PTPN22: variants seen among roughly 807,000 people sequenced by gnomAD.
PTPN22 encodes the protein protein tyrosine phosphatase non-receptor type 22, also known as tyrosine-protein phosphatase non-receptor type 22.
PTPN22 carries 85 observed loss-of-function variants against 103.3 expected under a neutral mutation model. The ratio of observed to expected loss-of-function variants is 0.82; its 90% CI spans 0.69 to 0.99. PTPN22 has a LOEUF of 0.99. PTPN22 is among the 50% of genes least tolerant of loss of function. The probability of loss-of-function intolerance (pLI) is 0.00; values close to 1 mark genes in which losing one functional copy is unlikely to be tolerated. For missense variants in PTPN22, 865 were observed against 936.9 expected (o/e 0.92, Z 1.00); for synonymous variants, 323 against 310.2 (o/e 1.04, Z -0.43).
At chr1:113,858,855 T>C in intron 3 of PTPN22, 147 bp downstream of exon 3, 1 of 1,352,628 alleles carries the variant, frequency 7.4e-7, no homozygotes, top group Non-Finnish European at 9.8e-7. Context: ...CCCAGGCTGG[T>C]CTGAAATTCT....
exon 18 of PTPN22, chr1:113,829,618 G>A (rs1662376372): frequency 1.2e-6 from 2 of 1,601,030 alleles, no homozygotes; most frequent in African/African-American, 1.3e-5. Flanking sequence ...CTTTTTCCAG[G>A]AGTCTTCAGT....
At chr1:113,854,373 A>T in intron 9 of PTPN22, 98 bp downstream of exon 9, 1 of 1,137,010 alleles carries the variant, frequency 8.8e-7, no homozygotes, top group Non-Finnish European at 1.3e-6. Flanking sequence ...TCTAGAAAAG[A>T]TGAATCATGA....
intron 1 of PTPN22, among the ~76,000 whole-genome samples, chr1:113,862,047 G>A (rs1665659719): frequency 3.3e-5 from 5 of 151,924 alleles, no homozygotes; most frequent in South Asian, 4.2e-4. Context: ...TTGGGATGCC[G>A]AGGCAGGCAG....
chr1:113,868,006 C>T (rs1666258173), intron 1 of PTPN22, among the ~76,000 whole-genome samples: 1 of 152,318 alleles, frequency 6.6e-6, no homozygotes, highest in East Asian at 1.9e-4. Flanking sequence ...CTCTACATTA[C>T]TTATAATACC....
chr1:113,850,255 AG>A (rs1664461823), intron 10 of PTPN22, among the ~76,000 whole-genome samples: 2 of 151,410 alleles, frequency 1.3e-5, no homozygotes, highest in African/African-American at 4.9e-5. Flanking sequence ...GAAGGAAGGA[AG>A]GAAGGAAGGA....
intron 16 of PTPN22, among the ~76,000 whole-genome samples, chr1:113,830,257 C>G (rs1035438836): frequency 6.6e-6 from 1 of 152,074 alleles, no homozygotes; most frequent in Non-Finnish European, 1.5e-5. Context: ...CAGAAGTATT[C>G]TCCCAAAGAC....
chr1:113,844,986 G>GTT (rs1364649048), intron 11 of PTPN22, among the ~76,000 whole-genome samples: 2 of 151,770 alleles, frequency 1.3e-5, no homozygotes, highest in African/African-American at 4.8e-5. Flanking sequence ...ACCTGGCTGA[G>GTT]TTTTTAATTT....
At chr1:113,815,259 A>G (rs955432902) in intron 20 of PTPN22, 2 of 247,686 alleles carry the variant, frequency 8.1e-6, no homozygotes, top group African/African-American at 4.5e-5. Flanking sequence ...AATTTAGTAT[A>G]TAATATCATT....
At chr1:113,834,487 A>G (rs1168354011) in intron 14 of PTPN22, 48 bp from the exon 15 acceptor site, 1 of 1,555,646 alleles carries the variant, frequency 6.4e-7, no homozygotes, top group East Asian at 2.2e-5. Context: ...GTATTCTTTT[A>G]GACATCAAAT....
At chr1:113,838,439 C>A in intron 12 of PTPN22, 32 bp from the exon 13 acceptor site, 2 of 1,585,180 alleles carry the variant, frequency 1.3e-6, no homozygotes, top group Admixed American at 1.8e-5. Flanking sequence ...ATGATGACAC[C>A]ATACCCCAAA....
chr1:113,817,332 T>C lies in PTPN22; in HGVS notation c.2359+2245A>G, dbSNP rs527308978. On this transcript the variant is annotated intron_variant, in intron 20 of 20. Coordinates refer to ENST00000359785, the Ensembl canonical transcript of PTPN22. ...CTACCTTTTTTTGCATGTGGGCCAATTCAGGGAAAATAAACCTGAATCATA... is the reference window on the plus strand; with the variant it reads ...CTACCTTTTTTTGCATGTGGGCCAACTCAGGGAAAATAAACCTGAATCATA... 1.5e-4 allele frequency among the ~76,000 whole-genome samples: 23 copies of C among 152,354 alleles called. No individual in the cohort carries two copies. In the East Asian group the frequency reaches 4.4e-3, roughly 29 times the overall value.
At chr1:113,862,664 A>G (rs1366441654) in intron 1 of PTPN22, among the ~76,000 whole-genome samples, 1 of 152,198 alleles carries the variant, frequency 6.6e-6, no homozygotes, top group Non-Finnish European at 1.5e-5. Flanking sequence ...AGCATTTTAG[A>G]TACATTTTAG....
chr1:113,857,058 GAA>G (rs780449476), intron 5 of PTPN22, among the ~76,000 whole-genome samples: 30 of 152,136 alleles, frequency 2.0e-4, no homozygotes, highest in Non-Finnish European at 4.1e-4. Flanking sequence ...ATTAAAAAAT[GAA>G]AAGAGGTGAA....
rs866543729 is a variant in PTPN22 at position 113,864,754 on chromosome 1, C to T, written c.88-5294G>A. Among the ~76,000 whole-genome samples, 3 of 150,026 alleles carry T rather than the reference C, an allele frequency of 2.0e-5. 1 individual carries two copies. Among genetic ancestry groups the T allele is most frequent in the Middle Eastern group, 7.0e-3 (2 of 284 alleles). ...AGTGAAACCTTGTCTCTACTAAAAA[C>T]ACAAAAAATTAGCCGGGCATGGTGA... On this transcript the variant is annotated intron_variant, in intron 1 of 20. Transcript: ENST00000359785.
intron 7 of PTPN22, 138 bp from the exon 8 acceptor site, chr1:113,855,187 T>G: frequency 1.4e-6 from 1 of 717,640 alleles, no homozygotes; most frequent in African/African-American, 1.8e-5. Flanking sequence ...CGCCCTTGTG[T>G]CTTATATTCA....
chr1:113,868,159 C>G (rs1666271079), intron 1 of PTPN22, among the ~76,000 whole-genome samples: 1 of 152,020 alleles, frequency 6.6e-6, no homozygotes, highest in Non-Finnish European at 1.5e-5. Flanking sequence ...GGGATACAGA[C>G]AGCCATCTGT....
intron 7 of PTPN22, among the ~76,000 whole-genome samples, chr1:113,856,028 CTTT>C (rs1287731465): frequency 6.6e-6 from 1 of 151,936 alleles, no homozygotes; most frequent in Non-Finnish European, 1.5e-5. Flanking sequence ...TTTTCTTCTT[CTTT>C]GAGACACAGT....
intron 11 of PTPN22, among the ~76,000 whole-genome samples, chr1:113,842,592 T>G (rs531766160): frequency 2.2e-4 from 33 of 151,686 alleles, no homozygotes; most frequent in African/African-American, 5.6e-4. Context: ...GAGAATCGCT[T>G]GAACCCGGGA....
At chr1:113,824,858 A>G (rs901025254) in intron 19 of PTPN22, among the ~76,000 whole-genome samples, 5 of 151,836 alleles carry the variant, frequency 3.3e-5, no homozygotes, top group Non-Finnish European at 5.9e-5. Flanking sequence ...TTTTAAAAAT[A>G]AATTTAAAAT....
Sources: gnomAD v4.1 joint callset for allele counts (sites outside exome capture counted in the v4.1 genomes callset) on GRCh38, gnomAD v4.1.1 for gene constraint, MANE v1.5 for transcripts, NCBI Gene and HGNC (gene_info 2026-07-23, HGNC 2026-07-21) for gene names.